IL1RAPL1: variants seen among roughly 807,000 people sequenced by gnomAD.
IL1RAPL1 encodes interleukin-1 receptor accessory protein-like 1.
Under a neutral mutation model 48.4 loss-of-function variants are expected in IL1RAPL1, and 3 were observed. The ratio of observed to expected loss-of-function variants is 0.06; its 90% confidence interval spans 0.03 to 0.16. The LOEUF is 0.16. Among genes scored for constraint, IL1RAPL1 ranks in the 10% least tolerant of loss-of-function variants. The pLI, the probability that IL1RAPL1 is intolerant of heterozygous loss-of-function variation, is 1.00. For missense variants in IL1RAPL1, 349 were observed against 530.6 expected, an observed-to-expected ratio of 0.66 and a Z score of 3.36; for synonymous variants, 185 against 187.7, an observed-to-expected ratio of 0.99 and a Z score of 0.12.
chrX:28,818,027 T>A (rs1242586353), intron 2 of IL1RAPL1, among the ~76,000 whole-genome samples: 1 of 111,019 alleles, frequency 9.0e-6, no homozygotes, highest in Non-Finnish European at 1.9e-5. Flanking sequence ...TCACTTTTGA[T>A]CATGATTTCA....
chrX:28,691,115 A>G (rs1268820323), intron 1 of IL1RAPL1, among the ~76,000 whole-genome samples: 2 of 111,177 alleles, frequency 1.8e-5, no homozygotes, highest in African/African-American at 3.3e-5. Flanking sequence ...ACTCCTTAAC[A>G]TAATCCTAGA....
At chrX:29,728,024 G>A (rs1227913389) in intron 6 of IL1RAPL1, among the ~76,000 whole-genome samples, 1 of 110,637 alleles carries the variant, frequency 9.0e-6, no homozygotes, top group South Asian at 3.9e-4. Flanking sequence ...TGCAAGCTCC[G>A]CCTCCCGGGT....
At chrX:29,036,123 C>T (rs1430550934) in intron 2 of IL1RAPL1, among the ~76,000 whole-genome samples, 1 of 112,096 alleles carries the variant, frequency 8.9e-6, no homozygotes, top group Non-Finnish European at 1.9e-5. Flanking sequence ...TCTTCATTGG[C>T]ATCTATGTGG....
chrX:28,834,037 A>G (rs193079990), intron 2 of IL1RAPL1, among the ~76,000 whole-genome samples: 53 of 112,305 alleles, frequency 4.7e-4, no homozygotes, highest in African/African-American at 1.5e-3. Flanking sequence ...AATGAAATGT[A>G]GATCTTGAGT....
chrX:29,605,414 T>C (rs190942851), intron 5 of IL1RAPL1, among the ~76,000 whole-genome samples: 39 of 111,820 alleles, frequency 3.5e-4, no homozygotes, highest in Middle Eastern at 4.7e-3. Flanking sequence ...TATACTGTTA[T>C]ATGGTAAGGC....
At chrX:29,581,412 C>T (rs1922956883) in intron 5 of IL1RAPL1, among the ~76,000 whole-genome samples, 1 of 111,655 alleles carries the variant, frequency 9.0e-6, no homozygotes, top group African/African-American at 3.3e-5. Flanking sequence ...GAAATGAACT[C>T]CAGCTCTCCT....
chrX:28,815,102 C>G (rs1936847267), intron 2 of IL1RAPL1, among the ~76,000 whole-genome samples: 1 of 107,688 alleles, frequency 9.3e-6, no homozygotes, highest in Non-Finnish European at 1.9e-5. Flanking sequence ...AAACAAAATA[C>G]TTTACCTTCA....
At chrX:28,974,715 G>C (rs932377769) in intron 2 of IL1RAPL1, among the ~76,000 whole-genome samples, 1 of 111,639 alleles carries the variant, frequency 9.0e-6, no homozygotes, top group Admixed American at 9.5e-5. Context: ...CTTGATCTAC[G>C]CCATTTGGCT....
At chrX:29,681,024 C>T (rs1926436676) in intron 6 of IL1RAPL1, among the ~76,000 whole-genome samples, 2 of 112,071 alleles carry the variant, frequency 1.8e-5, no homozygotes, top group South Asian at 3.7e-4. Flanking sequence ...ATCAACTTCA[C>T]GTAATATGAA....
chrX:29,559,872 G>C (rs1222580869), intron 5 of IL1RAPL1, among the ~76,000 whole-genome samples: 1 of 110,357 alleles, frequency 9.1e-6, no homozygotes, highest in Non-Finnish European at 1.9e-5. Context: ...AATTATTAAG[G>C]CTCTAGTTAT....
chrX:28,614,946 T>C (rs902191761), intron 1 of IL1RAPL1, among the ~76,000 whole-genome samples: 3 of 111,011 alleles, frequency 2.7e-5, no homozygotes, highest in East Asian at 2.8e-4. Context: ...TGGAGTGCAG[T>C]TGGGAGATCG....
At chrX:29,617,840 G>A (rs5972489) in intron 5 of IL1RAPL1, among the ~76,000 whole-genome samples, 40,241 of 110,797 alleles carry the variant, frequency 0.36, 5,655 homozygotes, top group African/African-American at 0.52. Context: ...TTGAAAATCT[G>A]TTGTCCCTTG....
chrX:29,383,117 G>A (rs2147675842), intron 3 of IL1RAPL1, among the ~76,000 whole-genome samples: 1 of 112,298 alleles, frequency 8.9e-6, no homozygotes. Flanking sequence ...ATGTAGTGAA[G>A]TTGACCATAA....
At chrX:29,052,302 A>T (rs1002749640) in intron 2 of IL1RAPL1, among the ~76,000 whole-genome samples, 1 of 110,732 alleles carries the variant, frequency 9.0e-6, no homozygotes, top group African/African-American at 3.3e-5. Flanking sequence ...TTCCTCTCAC[A>T]CCTCACACCC....
intron 2 of IL1RAPL1, among the ~76,000 whole-genome samples, chrX:28,877,416 T>A (rs1226283531): frequency 8.9e-6 from 1 of 112,235 alleles, no homozygotes; most frequent in Non-Finnish European, 1.9e-5. Flanking sequence ...TATTTTGCAA[T>A]CCTGCCAGTC....
At chrX:29,455,182 T>C (rs947799285) in intron 5 of IL1RAPL1, among the ~76,000 whole-genome samples, 1 of 111,690 alleles carries the variant, frequency 9.0e-6, no homozygotes, top group Non-Finnish European at 1.9e-5. Context: ...TTTACCTATG[T>C]AACAAACCTG....
rs749659920 is a variant in IL1RAPL1 at position 29,516,163 on chromosome X, A to C, written c.703+116855A>C. ...CTATATTGGGCTGTAGGAAATACTT[A>C]CTTAGCTACGTATTTTATACAAAAT... On this transcript the variant is annotated intron_variant, in intron 5 of 10. Coordinates refer to ENST00000378993, the MANE Select transcript of IL1RAPL1 (RefSeq NM_014271.4). Among the ~76,000 whole-genome samples, 11 of 112,203 alleles carry C rather than the reference A, an allele frequency of 9.8e-5. No individual in the cohort carries two copies. The East Asian group carries it at 3.1e-3, about 31-fold the overall frequency.
At chrX:29,425,747 T>TG (rs1934343339) in intron 5 of IL1RAPL1, among the ~76,000 whole-genome samples, 1 of 107,960 alleles carries the variant, frequency 9.3e-6, no homozygotes, top group East Asian at 2.9e-4. Flanking sequence ...AATCAGCTAT[T>TG]TTTTTTTTGT....
At chrX:28,640,156 A>T (rs772355308) in intron 1 of IL1RAPL1, among the ~76,000 whole-genome samples, 2 of 111,431 alleles carry the variant, frequency 1.8e-5, no homozygotes, top group Admixed American at 1.9e-4. Flanking sequence ...AATATTTAGG[A>T]CTTACTTGAA....
Sources: allele counts gnomAD v4.1 joint callset (sites outside exome capture counted in the v4.1 genomes callset), GRCh38; gene constraint gnomAD v4.1.1; transcripts MANE v1.5; gene names NCBI Gene and HGNC (gene_info 2026-07-23, HGNC 2026-07-21).